The following UNC79 variants were observed in gnomAD, a reference collection of about 807,000 sequenced individuals.
UNC79 encodes unc-79 subunit of NALCN channel complex, also known as protein unc-79 homolog.
Under a neutral mutation model 283.1 loss-of-function variants are expected in UNC79, and 37 were observed. That is an observed-to-expected ratio of 0.13 (90% CI 0.10 to 0.17). UNC79 has a LOEUF of 0.17. Among genes scored for constraint, UNC79 ranks in the 10% least tolerant of loss-of-function variants. The pLI is 1.00. For synonymous variants in UNC79, 1,107 were observed against 1,200.2 expected, an observed-to-expected ratio of 0.92 and a Z score of 1.61; for missense variants, 2,272 against 3,211.1, an observed-to-expected ratio of 0.71 and a Z score of 7.07.
chr14:93,487,060 A>G (rs2058477913), intron 4 of UNC79, among the ~76,000 whole-genome samples: 1 of 152,232 alleles, frequency 6.6e-6, no homozygotes, highest in Non-Finnish European at 1.5e-5. Flanking sequence ...CATGGTAATG[A>G]AGACATTGAT....
chr14:93,605,043 G>C, intron 26 of UNC79, 82 bp downstream of exon 27: 1 of 1,442,100 alleles, frequency 6.9e-7, no homozygotes, highest in South Asian at 1.4e-5. Flanking sequence ...TCTCTAACTG[G>C]ACCAGGGTGA....
intron 1 of UNC79, among the ~76,000 whole-genome samples, chr14:93,336,440 C>T (rs1031818244): frequency 2.0e-5 from 3 of 151,996 alleles, no homozygotes; most frequent in Non-Finnish European, 4.4e-5. Flanking sequence ...CTCCTGGGTT[C>T]AAGTGATTCT....
In UNC79 at chr14:93,417,315, A is replaced by C. The variant is rs1164222805; in HGVS notation, c.-350-50356A>C. The stretch of plus-strand genomic sequence containing the variant: ...TGGCTGGATATGAAATTCTGGGTTG[A>C]AAATTCTTTTCTTTAAGAATGTTGA... On this transcript the variant is annotated intron_variant, in intron 1 of 49. Transcript: ENST00000256339. Among the ~76,000 whole-genome samples, 6 of 152,248 alleles carry C rather than the reference A, an allele frequency of 3.9e-5. No homozygotes were observed. The South Asian group carries it at 1.2e-3, about 32-fold the overall frequency.
intron 1 of UNC79, among the ~76,000 whole-genome samples, chr14:93,340,207 C>G (rs1179208578): frequency 1.3e-5 from 2 of 152,078 alleles, no homozygotes; most frequent in African/African-American, 4.8e-5. Flanking sequence ...CTTTGGTAGG[C>G]CAAGGTGGGC....
intron 7 of UNC79, among the ~76,000 whole-genome samples, chr14:93,511,023 G>A (rs956758364): frequency 2.6e-5 from 4 of 152,038 alleles, no homozygotes; most frequent in African/African-American, 7.3e-5. Flanking sequence ...CTGCTTCTGC[G>A]GAGGCCTCAG....
intron 1 of UNC79, among the ~76,000 whole-genome samples, chr14:93,465,936 C>A (rs529383814): frequency 1.3e-5 from 2 of 152,194 alleles, no homozygotes; most frequent in African/African-American, 4.8e-5. Context: ...TGGAACTATG[C>A]ATTAATGTGG....
At chr14:93,524,071 C>CT in intron 8 of UNC79, 29 bp downstream of exon 8, 1 of 1,612,300 alleles carries the variant, frequency 6.2e-7, no homozygotes, top group Non-Finnish European at 8.5e-7. Flanking sequence ...TGGTGCCATA[C>CT]TGTATTGTCA....
chr14:93,335,793 A>G (rs539055848), intron 1 of UNC79, among the ~76,000 whole-genome samples: 6 of 152,356 alleles, frequency 3.9e-5, no homozygotes, highest in South Asian at 2.1e-4. Flanking sequence ...ACCTGGGCCT[A>G]CCTGGGCCTG....
chr14:93,599,956 C>T (rs577391734), intron 24 of UNC79, among the ~76,000 whole-genome samples: 10 of 151,940 alleles, frequency 6.6e-5, no homozygotes, highest in African/African-American at 2.4e-4. Flanking sequence ...AATCCCAGCA[C>T]TTTGGGAGGC....
chr14:93,335,406 G>C (rs1325294508), intron 1 of UNC79, among the ~76,000 whole-genome samples: 1 of 152,246 alleles, frequency 6.6e-6, no homozygotes, highest in African/African-American at 2.4e-5. Context: ...GGTACTACAT[G>C]CTGGGGGTAA....
intron 15 of UNC79, 42 bp downstream of exon 15, chr14:93,572,126 A>C (rs1170241691): frequency 6.3e-7 from 1 of 1,596,366 alleles, no homozygotes; most frequent in African/African-American, 1.3e-5. Context: ...TTATAATCAT[A>C]TCTAACGTTT....
chr14:93,669,614 A>G (rs1377964260), intron 40 of UNC79, among the ~76,000 whole-genome samples: 1 of 152,190 alleles, frequency 6.6e-6, no homozygotes, highest in East Asian at 1.9e-4. Flanking sequence ...AATGTAAAAT[A>G]TTACAAGCCT....
chr14:93,594,108 A>G (rs116526818), intron 23 of UNC79, among the ~76,000 whole-genome samples: 2,213 of 152,246 alleles, frequency 0.015, 54 homozygotes, highest in African/African-American at 0.051. Context: ...AACTGCACCC[A>G]TGTTTACTCC....
At chr14:93,524,156 T>G in intron 8 of UNC79, 114 bp downstream of exon 8, 1 of 1,131,614 alleles carries the variant, frequency 8.8e-7, no homozygotes. Flanking sequence ...TCTGTAGTAA[T>G]TCGAAGTACC....
At chr14:93,514,650 G>A (rs1054128913) in intron 7 of UNC79, among the ~76,000 whole-genome samples, 3 of 152,090 alleles carry the variant, frequency 2.0e-5, no homozygotes, top group African/African-American at 4.8e-5. Flanking sequence ...AATTCCATCC[G>A]CCTTAGCATT....
intron 7 of UNC79, among the ~76,000 whole-genome samples, chr14:93,506,468 A>T (rs554487654): frequency 5.3e-5 from 8 of 152,136 alleles, no homozygotes; most frequent in African/African-American, 1.9e-4. Flanking sequence ...TATTTTTCAT[A>T]CTTTGAAGGT....
intron 3 of UNC79, 57 bp from the exon 4 acceptor site, chr14:93,477,501 G>A: frequency 7.1e-7 from 1 of 1,400,164 alleles, no homozygotes; most frequent in Non-Finnish European, 9.5e-7. Context: ...TGTAAAGTTA[G>A]CCTATTTTGT....
intron 15 of UNC79, 113 bp downstream of exon 15, chr14:93,572,197 T>A (rs1390522219): frequency 4.2e-6 from 5 of 1,187,754 alleles, no homozygotes; most frequent in Non-Finnish European, 5.6e-6. Flanking sequence ...TCATTTATTT[T>A]TTAACCACCC....
chr14:93,434,794 A>C lies in UNC79; in HGVS notation c.22+3743A>C, dbSNP rs934539364. 2.5e-4 allele frequency among the ~76,000 whole-genome samples: 38 copies of C among 152,234 alleles called. 1 individual carries two copies. The highest frequency in any genetic ancestry group is 4.4e-5 in the Non-Finnish European group (3 of 68,044). ...ATTCATGAACAGTGCTTAGCAGAGA[A>C]TCCTGGCACATAATGAGGACTTAAT... On this transcript the variant is annotated intron_variant, in intron 1 of 48. Coordinates refer to ENST00000555664, the Ensembl canonical transcript of UNC79.
Sources: gnomAD v4.1 joint callset for allele counts (sites outside exome capture counted in the v4.1 genomes callset) on GRCh38, gnomAD v4.1.1 for gene constraint, MANE v1.5 for transcripts, NCBI Gene and HGNC (gene_info 2026-07-23, HGNC 2026-07-21) for gene names.